The following BRAP variants were observed in gnomAD, a reference collection of about 807,000 sequenced individuals.
BRAP encodes the protein BRCA1-associated protein.
BRAP carries 42 observed loss-of-function variants against 73.4 expected under a neutral mutation model. The observed-to-expected ratio is 0.57, with a 90% CI of 0.45 to 0.74. BRAP has a LOEUF of 0.74. BRAP is among the 30% of genes least tolerant of loss of function. The probability of loss-of-function intolerance (pLI) is 0.00; values close to 1 mark genes in which losing one functional copy is unlikely to be tolerated. For missense variants in BRAP, 593 were observed against 751.4 expected (o/e 0.79, Z 2.46); for synonymous variants, 255 against 267.4 (o/e 0.95, Z 0.45).
intron 1 of BRAP, among the ~76,000 whole-genome samples, chr12:111,684,319 TCTCAGAA>T (rs1234263744): frequency 1.3e-5 from 2 of 152,214 alleles, no homozygotes; most frequent in African/African-American, 4.8e-5. Context: ...TTTAGCTGAC[TCTCAGAA>T]CTCAGAAGCC....
At chr12:111,658,908 ACT>A (rs976892576) in intron 8 of BRAP, 63 bp from the exon 9 acceptor site, 4 of 1,323,558 alleles carry the variant, frequency 3.0e-6, no homozygotes, top group Non-Finnish European at 4.2e-6. Flanking sequence ...TACACTTTTA[ACT>A]CTGACAAAAT....
intron 10 of BRAP, among the ~76,000 whole-genome samples, chr12:111,651,355 T>C (rs1010952177): frequency 6.6e-6 from 1 of 151,850 alleles, no homozygotes; most frequent in Non-Finnish European, 1.5e-5. Context: ...CTGGCCAAGA[T>C]GGCGAAAGCC....
intron 5 of BRAP, among the ~76,000 whole-genome samples, chr12:111,671,321 G>A (rs992304916): frequency 6.6e-6 from 1 of 152,072 alleles, no homozygotes; most frequent in African/African-American, 2.4e-5. Context: ...AGGCCAAGGT[G>A]GGCAGATCAC....
intron 5 of BRAP, chr12:111,669,952 T>C (rs1268591672): frequency 6.3e-6 from 4 of 630,652 alleles, no homozygotes; most frequent in Non-Finnish European, 1.2e-5. Flanking sequence ...TGAAGGAGTT[T>C]GGTCCAGCTG....
Position 111,658,787 on chromosome 12 carries a change from T to C in BRAP, c.1170A>G (p.Glu390=). 1 of 1,613,166 alleles carries C rather than the reference T, an allele frequency of 6.2e-7. No homozygotes were observed. The highest frequency in any genetic ancestry group is 8.5e-7 in the Non-Finnish European group (1 of 1,179,202). ...SKTDGKIVQY[E]CEGDTCQEEK... ...CTTCCTGGCAAGTATCCCCCTCACA[T>C]TCATACTGTACTATTTTTCCATCTG... The change falls in exon 9 of 12, where the codon GAA becomes GAG. Residue 390 remains glutamate (E), a synonymous_variant. Transcript: ENST00000419234.
intron 4 of BRAP, among the ~76,000 whole-genome samples, chr12:111,673,754 T>G (rs1887267648): frequency 6.6e-6 from 1 of 152,114 alleles, no homozygotes; most frequent in Non-Finnish European, 1.5e-5. Context: ...TGAACCAGCC[T>G]TTAAAATACT....
At chr12:111,661,974 A>G (rs1161428985) in intron 6 of BRAP, among the ~76,000 whole-genome samples, 1 of 152,172 alleles carries the variant, frequency 6.6e-6, no homozygotes, top group African/African-American at 2.4e-5. Flanking sequence ...GCACCTGGCT[A>G]AACACAAAGG....
At chr12:111,673,510 G>GA (rs11350832) in intron 4 of BRAP, among the ~76,000 whole-genome samples, 4 of 118,156 alleles carry the variant, frequency 3.4e-5, no homozygotes, top group South Asian at 2.6e-4. Context: ...ATCTCAAAAA[G>GA]AAAAAAAAAA....
chr12:111,683,569 C>T lies in BRAP; in HGVS notation c.83-262G>A, dbSNP rs560190414. 1.3e-3 allele frequency among the ~76,000 whole-genome samples: 200 copies of T among 152,218 alleles called. 1 individual carries two copies. The highest frequency in any genetic ancestry group is 3.9e-3 in the African/African-American group (162 of 41,536). On this transcript the variant is annotated intron_variant, in intron 1 of 11. Coordinates refer to ENST00000419234, the MANE Select transcript of BRAP (RefSeq NM_006768.5). ...TTATTTTTATTTTTTGAGACAGAGT[C>T]TCACTCTGTCACCCAGGCTGGAGTG...
intron 7 of BRAP, among the ~76,000 whole-genome samples, chr12:111,660,086 AAAAG>A (rs1442202268): frequency 6.6e-6 from 1 of 151,910 alleles, no homozygotes; most frequent in Non-Finnish European, 1.5e-5. Context: ...AAAAAAAAGA[AAAAG>A]AAAAAGAAAA....
chr12:111,647,169 C>CTCAGACTAGGAGGACCACTTGAG (rs1316137221), intron 11 of BRAP, among the ~76,000 whole-genome samples: 4 of 152,258 alleles, frequency 2.6e-5, no homozygotes, highest in African/African-American at 9.6e-5. Flanking sequence ...ACTCAGGAAG[C>CTCAGACTAGGAGGACCACTTGAG]TCAGACTAGG....
At chr12:111,663,169 A>G (rs1197021179) in intron 6 of BRAP, among the ~76,000 whole-genome samples, 1 of 152,160 alleles carries the variant, frequency 6.6e-6, no homozygotes, top group Non-Finnish European at 1.5e-5. Context: ...TCAACAGTTT[A>G]TCGGCCAGGC....
chr12:111,678,571 C>T (rs1408969138), intron 4 of BRAP, among the ~76,000 whole-genome samples: 1 of 150,008 alleles, frequency 6.7e-6, no homozygotes, highest in Non-Finnish European at 1.5e-5. Flanking sequence ...GCAGGAAAAT[C>T]GCTTGAACCC....
At chr12:111,666,500 T>C (rs1327965727) in intron 5 of BRAP, among the ~76,000 whole-genome samples, 1 of 152,250 alleles carries the variant, frequency 6.6e-6, no homozygotes, top group African/African-American at 2.4e-5. Flanking sequence ...GACACTGTTC[T>C]AGGTGTGGAA....
chr12:111,685,278 G>A (rs1011020049), intron 1 of BRAP, among the ~76,000 whole-genome samples: 14 of 152,328 alleles, frequency 9.2e-5, no homozygotes, highest in Admixed American at 2.0e-4. Flanking sequence ...CTGGGATATA[G>A]GAAGTGTCCA....
intron 1 of BRAP, among the ~76,000 whole-genome samples, chr12:111,685,425 T>G (rs1254520157): frequency 6.6e-6 from 1 of 152,076 alleles, no homozygotes; most frequent in African/African-American, 2.4e-5. Flanking sequence ...GGGAAGCAAG[T>G]GAGACAAACA....
At chr12:111,646,926 G>A (rs2135891510) in intron 11 of BRAP, among the ~76,000 whole-genome samples, 1 of 152,320 alleles carries the variant, frequency 6.6e-6, no homozygotes, top group African/African-American at 2.4e-5. Flanking sequence ...AGTAGTGTGA[G>A]ATTTGACACA....
At chr12:111,676,778 G>A (rs936689307) in intron 4 of BRAP, among the ~76,000 whole-genome samples, 2 of 152,208 alleles carry the variant, frequency 1.3e-5, no homozygotes, top group East Asian at 3.9e-4. Flanking sequence ...CACAGGGTCC[G>A]GTCTCTAGTA....
intron 5 of BRAP, chr12:111,670,302 C>A: frequency 1.8e-6 from 1 of 567,406 alleles, no homozygotes; most frequent in Non-Finnish European, 3.5e-6. Flanking sequence ...AGTTTTTCTG[C>A]CTCTTCTTCA....
Sources: gnomAD v4.1 joint callset for allele counts (sites outside exome capture counted in the v4.1 genomes callset) on GRCh38, gnomAD v4.1.1 for gene constraint, MANE v1.5 for transcripts, NCBI Gene and HGNC (gene_info 2026-07-23, HGNC 2026-07-21) for gene names.